Variants in TNFRSF14 observed in about 807,000 individuals in gnomAD.
TNFRSF14 encodes the protein TNF receptor superfamily member 14, also known as tumor necrosis factor receptor superfamily member 14.
In TNFRSF14, 18 loss-of-function variants were observed where a neutral mutation model predicts 34.1. The observed-to-expected ratio is 0.53, with a 90% CI of 0.36 to 0.78. The LOEUF is 0.78. Among genes scored for constraint, TNFRSF14 ranks in the 30% least tolerant of loss-of-function variants. The pLI, the probability that TNFRSF14 is intolerant of heterozygous loss-of-function variation, is 0.00. For missense variants in TNFRSF14, 352 were observed against 379.5 expected (o/e 0.93, Z 0.60); for synonymous variants, 157 against 153.2 (o/e 1.02, Z -0.18).
In TNFRSF14 at chr1:2,561,694, G is replaced by C. The variant is rs1644311569; in HGVS notation, c.573G>C (p.Lys191Asn). Residue 191 changes from lysine to asparagine, a missense_variant, in exon 6 of 8, where the codon AAG becomes AAC. Physicochemically the swap from Lys to Asn is moderately conservative, Grantham distance 94. Coordinates refer to ENST00000355716, the MANE Select transcript of TNFRSF14 (RefSeq NM_003820.4). The surrounding 1 kb of genome is among the most constrained non-coding windows in gnomAD (Gnocchi z 6.0). ...HQTKCSWLVT[K>N]AGAGTSSSHW... ...GCAGGTGCAGCTGGCTGGTGACGAA[G>C]GCCGGAGCTGGGACCAGCAGCTCCC... The C allele has an allele frequency of 6.2e-7, 1 of 1,613,118 alleles. No individual in the cohort carries two copies. The highest frequency in any genetic ancestry group is 1.1e-5 in the South Asian group (1 of 91,082).
At chr1:2,562,605 C>T (rs1211757836) in intron 6 of TNFRSF14, 3 of 603,338 alleles carry the variant, frequency 5.0e-6, no homozygotes, top group Middle Eastern at 4.4e-4. Flanking sequence ...GTTAGTTATG[C>T]ACTTGGGGGC....
intron 4 of TNFRSF14, 26 bp from the exon 5 acceptor site, chr1:2,560,598 C>G: frequency 6.3e-7 from 1 of 1,598,998 alleles, no homozygotes; most frequent in Non-Finnish European, 8.5e-7. Context: ...GCCCTCAGCC[C>G]CCTCTGTCCG....
intron 4 of TNFRSF14, 166 bp from the exon 5 acceptor site, chr1:2,560,458 G>A (rs908385354): frequency 8.4e-6 from 5 of 595,960 alleles, no homozygotes; most frequent in Non-Finnish European, 1.5e-5. Context: ...CACCACCCCA[G>A]GCCCCACCTC....
At chr1:2,560,308 C>T (rs1349990557) in intron 4 of TNFRSF14, among the ~76,000 whole-genome samples, 2 of 152,180 alleles carry the variant, frequency 1.3e-5, no homozygotes, top group African/African-American at 4.8e-5. Flanking sequence ...TGCCACTGTT[C>T]AAGCTAAGTC....
At chr1:2,562,118 C>T in intron 6 of TNFRSF14, 2 of 457,454 alleles carry the variant, frequency 4.4e-6, no homozygotes, top group Non-Finnish European at 3.9e-6. Flanking sequence ...GCAGGACAGG[C>T]CCTGCTCAGC....
intron 3 of TNFRSF14, 131 bp downstream of exon 3, chr1:2,558,599 C>T: frequency 6.6e-7 from 1 of 1,513,048 alleles, no homozygotes; most frequent in South Asian, 1.2e-5. Flanking sequence ...CCAACCCCAT[C>T]TCCATGGATG....
chr1:2,562,411 C>T (rs1025418318), intron 6 of TNFRSF14: 3 of 242,402 alleles, frequency 1.2e-5, no homozygotes, highest in East Asian at 1.2e-4. Flanking sequence ...TCCAGCCAGG[C>T]GGCAGCAAAG....
At chr1:2,557,556 G>T (rs1433633697) in intron 1 of TNFRSF14, among the ~76,000 whole-genome samples, 170 bp from the exon 2 acceptor site, 1 of 152,130 alleles carries the variant, frequency 6.6e-6, no homozygotes, top group Non-Finnish European at 1.5e-5. Flanking sequence ...GGGCTCCAGC[G>T]GTCGGCAAGG....
Position 2,563,717 on chromosome 1 carries a change from G to T in TNFRSF14, c.*444G>T, listed in dbSNP as rs1295575705. 4.1e-6 allele frequency: 1 copy of T among 243,378 alleles called. No individual in the cohort carries two copies. Among genetic ancestry groups the T allele is most frequent in the Non-Finnish European group, 8.0e-6 (1 of 125,220 alleles). 15.1% of individuals were successfully genotyped at this position (243,378 alleles called of 1,614,324 possible). A position where few individuals can be genotyped will look rare whatever the true frequency, so the allele number is the denominator to read the frequency against. On this transcript the variant is annotated 3_prime_UTR_variant, in exon 8 of 8. Coordinates refer to ENST00000355716, the MANE Select transcript of TNFRSF14 (RefSeq NM_003820.4). ...TGTGGTGTTTAGTGGATACCACATC[G>T]GAAGTGATTTTCTAAATTGGATTTG...
chr1:2,556,993 A>G (rs1366501085), intron 1 of TNFRSF14: 1 of 451,372 alleles, frequency 2.2e-6, no homozygotes, highest in Non-Finnish European at 3.9e-6. Flanking sequence ...GTCCACGGGC[A>G]GCTGGTGAGC....
At chr1:2,559,025 C>T (rs929470809) in intron 3 of TNFRSF14, 2 of 1,368,824 alleles carry the variant, frequency 1.5e-6, no homozygotes, top group Admixed American at 2.2e-5. Flanking sequence ...GCCAACGGCT[C>T]TGTCCCCTTG....
chr1:2,561,902 A>G lies in TNFRSF14; in HGVS notation c.694+87A>G, dbSNP rs1644315781. ...CACCCCAAGCCTGGGAGGTGGCCCC[A>G]GAGCTTTTCCAGGATCCGCGGCTCC... On this transcript the variant is annotated intron_variant, in intron 6 of 7. Coordinates refer to ENST00000355716, the MANE Select transcript of TNFRSF14 (RefSeq NM_003820.4). This position sits in a 1 kb window ranked among gnomAD's most constrained non-coding sequence, Gnocchi z 6.0. The G allele has an allele frequency of 1.4e-6, 2 of 1,437,358 alleles. No homozygotes were observed. Among genetic ancestry groups the G allele is most frequent in the Admixed American group, 4.0e-5 (2 of 50,044 alleles). The allele number at this position is 1,437,358 out of a possible 1,614,324, so 89.0% of individuals were successfully genotyped here.
chr1:2,559,257 C>T (rs1174607744), intron 3 of TNFRSF14: 3 of 1,368,672 alleles, frequency 2.2e-6, no homozygotes, highest in Admixed American at 4.4e-5. Context: ...ATGCCCAGTT[C>T]CATGCCCCTC....
At chr1:2,558,183 C>T (rs572061843) in intron 2 of TNFRSF14, among the ~76,000 whole-genome samples, 160 bp from the exon 3 acceptor site, 2 of 152,344 alleles carry the variant, frequency 1.3e-5, no homozygotes, top group East Asian at 3.9e-4. Context: ...CAGCTCTGCT[C>T]ATGGCTGATG....
intron 3 of TNFRSF14, 117 bp downstream of exon 3, chr1:2,558,585 G>A (rs1435610095): frequency 6.4e-7 from 1 of 1,552,844 alleles, no homozygotes; most frequent in Non-Finnish European, 8.6e-7. Flanking sequence ...CCCCAGGCCA[G>A]GTCCCAACCC....
At chr1:2,556,025 G>T, upstream of TNFRSF14, 1 of 231,730 alleles carries the variant, frequency 4.3e-6, no homozygotes, top group Non-Finnish European at 8.9e-6. Flanking sequence ...ACCCCTCCCA[G>T]GGGACGGGTA....
rs1285163368 is a variant in TNFRSF14, at chr1:2,561,751, C to T, written c.630C>T (p.Leu210=). ...TATGGTGGTTTCTCTCAGGGAGCCTCGTCATCGTCATTGTTTGCTCCACAG... is the reference window on the plus strand; with the variant it reads ...TATGGTGGTTTCTCTCAGGGAGCCTTGTCATCGTCATTGTTTGCTCCACAG... ...HWVWWFLSGS[L]VIVIVCSTVG... Residue 210 remains leucine (L), a synonymous_variant, in exon 6 of 8, where the codon CTC becomes CTT. Transcript: ENST00000355716. The surrounding 1 kb of genome is among the most constrained non-coding windows in gnomAD (Gnocchi z 6.0). 2 of 1,613,766 alleles carry T rather than the reference C, an allele frequency of 1.2e-6. No individual in the cohort carries two copies. The highest frequency in any genetic ancestry group is 1.7e-6 in the Non-Finnish European group (2 of 1,179,984).
intron 4 of TNFRSF14, 41 bp downstream of exon 4, chr1:2,560,019 G>T: frequency 6.7e-7 from 1 of 1,488,710 alleles, no homozygotes; most frequent in Middle Eastern, 1.8e-4. Context: ...TTTCCACCCT[G>T]GTCCCCAGTG....
At chr1:2,559,641 G>A (rs1260378850) in intron 3 of TNFRSF14, 182 bp from the exon 4 acceptor site, 7 of 1,534,956 alleles carry the variant, frequency 4.6e-6, no homozygotes, top group Non-Finnish European at 6.1e-6. Context: ...CCGTCCCTTG[G>A]TGTCCCTCCC....
Sources: gnomAD v4.1 joint callset for allele counts (sites outside exome capture counted in the v4.1 genomes callset) on GRCh38, gnomAD v4.1.1 for gene constraint, Gnocchi (gnomAD v3.1) non-coding constraint, MANE v1.5 for transcripts, NCBI Gene and HGNC (gene_info 2026-07-23, HGNC 2026-07-21) for gene names.